Variants in CPEB4 observed in about 807,000 individuals in gnomAD.
CPEB4 encodes cytoplasmic polyadenylation element binding protein 4.
CPEB4 carries 12 observed loss-of-function variants against 72.5 expected under a neutral mutation model. The observed-to-expected ratio is 0.17, with a 90% CI of 0.11 to 0.27. CPEB4 has a LOEUF of 0.27. Ranked by LOEUF, CPEB4 falls within the 10% of genes least tolerant of loss-of-function variation. The pLI is 1.00. For missense variants in CPEB4, 614 were observed against 908.5 expected, an observed-to-expected ratio of 0.68 and a Z score of 4.17; for synonymous variants, 302 against 326.3, an observed-to-expected ratio of 0.93 and a Z score of 0.80.
chr5:173,918,856 C>G (rs971970872), intron 2 of CPEB4, among the ~76,000 whole-genome samples: 1 of 152,148 alleles, frequency 6.6e-6, no homozygotes, highest in South Asian at 2.1e-4. Context: ...TAAGCAGCCC[C>G]TTTATCTTAA....
At chr5:173,910,435 A>G (rs1756611788) in intron 1 of CPEB4, 88 bp from the exon 2 acceptor site, 9 of 855,148 alleles carry the variant, frequency 1.1e-5, no homozygotes, top group Non-Finnish European at 1.6e-5. Flanking sequence ...CTACTTTGTG[A>G]TCTGTGTCCC....
At chr5:173,908,580 T>A (rs1424918681) in intron 1 of CPEB4, among the ~76,000 whole-genome samples, 1 of 152,092 alleles carries the variant, frequency 6.6e-6, no homozygotes, top group Admixed American at 6.5e-5. Context: ...TGAGATGGGG[T>A]CAGGAGGAGT....
At position 173,937,284 on chromosome 5, in the gene CPEB4, C is replaced by T. The variant is rs140730818; in HGVS notation, c.1258+4784C>T. Among the ~76,000 whole-genome samples, 406 of 152,202 alleles carry T rather than the reference C, an allele frequency of 2.7e-3. 3 individuals carry two copies. The highest frequency in any genetic ancestry group is 8.6e-3 in the African/African-American group (357 of 41,526). On this transcript the variant is annotated intron_variant, in intron 3 of 9. Coordinates refer to ENST00000265085, the MANE Select transcript of CPEB4 (RefSeq NM_030627.4). ...TCTCGAACTCCTGATCTCAAGTGAT[C>T]GGCCTGCCTCGGCCTTCCAAAGTGC... is the stretch of plus-strand genomic sequence containing the variant.
In CPEB4 at chr5:173,890,135, G is replaced by A. The variant is rs776409027; in HGVS notation, c.402G>A (p.Arg134=). The change falls in exon 1 of 10, where the codon AGG becomes AGA. Residue 134 remains arginine, a synonymous_variant. Transcript: ENST00000265085. The part of the protein sequence containing the change: ...SENGNGKEKI[R]IESPVLTGFD... ...ATGGCAATGGGAAGGAGAAAATAAG[G>A]ATCGAATCTCCAGTGTTGACAGGGT... The A allele has an allele frequency of 1.9e-6, 3 of 1,614,132 alleles. No individual in the cohort carries two copies. Among genetic ancestry groups the A allele is most frequent in the South Asian group, 1.1e-5 (1 of 91,068 alleles).
At chr5:173,951,320 A>G (rs1233555235) in intron 7 of CPEB4, among the ~76,000 whole-genome samples, 2 of 152,140 alleles carry the variant, frequency 1.3e-5, no homozygotes, top group Non-Finnish European at 2.9e-5. Context: ...TCATAAAAAA[A>G]AATCTATTGC....
intron 1 of CPEB4, among the ~76,000 whole-genome samples, chr5:173,903,061 A>G (rs991590680): frequency 1.2e-5 from 1 of 82,222 alleles, no homozygotes; most frequent in African/African-American, 3.3e-5. Context: ...TAGCTGAATG[A>G]AAAAAAAAAA....
intron 1 of CPEB4, among the ~76,000 whole-genome samples, chr5:173,908,997 T>C (rs1451982580): frequency 6.6e-6 from 1 of 152,212 alleles, no homozygotes; most frequent in Non-Finnish European, 1.5e-5. Flanking sequence ...AATTTTAAAA[T>C]GTTTTCATCT....
chr5:173,899,643 C>G (rs564611751), intron 1 of CPEB4, among the ~76,000 whole-genome samples: 1 of 152,316 alleles, frequency 6.6e-6, no homozygotes, highest in South Asian at 2.1e-4. Flanking sequence ...GTTCACACTT[C>G]TGTGGACTTG....
In CPEB4 at chr5:173,900,381, GACA is replaced by G. The variant is rs1481659100; in HGVS notation, c.1125+9530_1125+9532del. Among the ~76,000 whole-genome samples the G allele has an allele frequency of 5.3e-5, 8 of 151,738 alleles. No homozygotes were observed. Among genetic ancestry groups the G allele is most frequent in the African/African-American group, 1.9e-4 (8 of 41,288 alleles). On this transcript the variant is annotated intron_variant, in intron 1 of 9. Coordinates refer to ENST00000265085, the MANE Select transcript of CPEB4 (RefSeq NM_030627.4). The surrounding 1 kb of genome is among the most constrained non-coding windows in gnomAD (Gnocchi z 4.4). ...GATCGCGCCATTGCACTCCAGCCTG[GACA>G]ACAACAGCGGAACTCTGTCTCAAAA...
At chr5:173,942,206 C>G (rs1757871728) in intron 3 of CPEB4, among the ~76,000 whole-genome samples, 1 of 152,220 alleles carries the variant, frequency 6.6e-6, no homozygotes, top group Admixed American at 6.5e-5. Flanking sequence ...TCCTGGAGGT[C>G]AGGGACATGC....
At chr5:173,895,532 A>T (rs1208838593) in intron 1 of CPEB4, among the ~76,000 whole-genome samples, 1 of 152,252 alleles carries the variant, frequency 6.6e-6, no homozygotes, top group African/African-American at 2.4e-5. Context: ...ACACTGCTGG[A>T]GTGCTTCAGT....
At position 173,950,049 on chromosome 5, in the gene CPEB4, G is replaced by A. The variant is rs1758163634; in HGVS notation, c.1636G>A (p.Val546Ile). Reference protein sequence around the residue: ...IEEDGKLYLCVSSPTIKDKPV... With the variant: ...IEEDGKLYLCISSPTIKDKPV... ...AGAAGATGGAAAACTCTACCTTTGT[G>A]TATCAAGTCCCACTATCAAGGATAA... The change falls in exon 7 of 10, where the codon GTA becomes ATA. Residue 546 changes from valine (V) to isoleucine (I), a missense_variant. Coordinates refer to ENST00000265085, the MANE Select transcript of CPEB4 (RefSeq NM_030627.4). The surrounding 1 kb of genome is among the most constrained non-coding windows in gnomAD (Gnocchi z 5.0). 6.2e-7 allele frequency: 1 copy of A among 1,609,120 alleles called. No individual in the cohort carries two copies. Among genetic ancestry groups the A allele is most frequent in the Non-Finnish European group, 8.5e-7 (1 of 1,177,094 alleles).
chr5:173,893,896 G>C (rs1755906790), intron 1 of CPEB4, among the ~76,000 whole-genome samples: 1 of 152,172 alleles, frequency 6.6e-6, no homozygotes, highest in Non-Finnish European at 1.5e-5. Flanking sequence ...ATTTTATTTG[G>C]AGGATTTTTG....
At chr5:173,918,620 G>A (rs1756964125) in intron 2 of CPEB4, among the ~76,000 whole-genome samples, 2 of 152,178 alleles carry the variant, frequency 1.3e-5, no homozygotes, top group Non-Finnish European at 2.9e-5. Flanking sequence ...AACCAACTCA[G>A]TTCAAACTAA....
chr5:173,929,666 C>T (rs1757370924), intron 2 of CPEB4, among the ~76,000 whole-genome samples: 1 of 152,052 alleles, frequency 6.6e-6, no homozygotes, highest in Non-Finnish European at 1.5e-5. Flanking sequence ...ACACTGCACT[C>T]CAGCCTGGGC....
At chr5:173,936,453 A>G (rs1375739736) in intron 3 of CPEB4, among the ~76,000 whole-genome samples, 1 of 152,198 alleles carries the variant, frequency 6.6e-6, no homozygotes, top group Admixed American at 6.5e-5. Flanking sequence ...ATATAGTCAC[A>G]TTCTGAGGTA....
At chr5:173,913,742 GATCTA>G (rs1756763811) in intron 2 of CPEB4, among the ~76,000 whole-genome samples, 1 of 152,152 alleles carries the variant, frequency 6.6e-6, no homozygotes, top group African/African-American at 2.4e-5. Context: ...AAGTCTGATT[GATCTA>G]ATCTGGGAAC....
chr5:173,930,121 C>A lies in CPEB4; in HGVS notation c.1208-2329C>A, dbSNP rs192899069. Reference sequence around the variant, plus strand: ...CCAGGCTGGAGAGCAGTGGCGAGATCTCAGCTCACTGCAACCCCTGCCTCC... The same window carrying A: ...CCAGGCTGGAGAGCAGTGGCGAGATATCAGCTCACTGCAACCCCTGCCTCC... On this transcript the variant is annotated intron_variant, in intron 2 of 9. Transcript: ENST00000265085. Among the ~76,000 whole-genome samples, 589 of 151,260 alleles carry A rather than the reference C, an allele frequency of 3.9e-3. 1 individual carries two copies. Among genetic ancestry groups the A allele is most frequent in the African/African-American group, 0.013 (543 of 41,118 alleles).
intron 6 of CPEB4, 96 bp from the exon 7 acceptor site, chr5:173,949,863 CT>C: frequency 2.3e-6 from 2 of 881,090 alleles, no homozygotes; most frequent in Non-Finnish European, 3.7e-6. Context: ...TTTCCTATTC[CT>C]TTTTCCTTTC....
Sources: allele counts gnomAD v4.1 joint callset (sites outside exome capture counted in the v4.1 genomes callset), GRCh38; gene constraint gnomAD v4.1.1; non-coding constraint Gnocchi (gnomAD v3.1); transcripts MANE v1.5; gene names NCBI Gene and HGNC (gene_info 2026-07-23, HGNC 2026-07-21).